Variants in ANO3 observed in about 807,000 individuals in gnomAD.
ANO3 encodes the protein anoctamin-3.
In ANO3, 99 loss-of-function variants were observed where a neutral mutation model predicts 144.8. The observed-to-expected ratio is 0.68, with a 90% CI of 0.58 to 0.81. ANO3 has a LOEUF of 0.81. Among genes scored for constraint, ANO3 ranks in the 30% least tolerant of loss-of-function variants. ANO3 has a pLI of 0.00. For synonymous variants in ANO3, 414 were observed against 392.6 expected (o/e 1.05, Z -0.64); for missense variants, 905 against 1,202.2 (o/e 0.75, Z 3.66).
At chr11:26,442,179 C>G in intron 2 of ANO3, 67 bp downstream of exon 2, 1 of 1,489,862 alleles carries the variant, frequency 6.7e-7, no homozygotes, top group South Asian at 1.2e-5. Context: ...CACTCCTTTC[C>G]TTCCTTTTTC....
intron 1 of ANO3, among the ~76,000 whole-genome samples, chr11:26,337,548 A>G (rs113472730): frequency 1.3e-4 from 20 of 152,352 alleles, no homozygotes; most frequent in African/African-American, 4.6e-4. Context: ...GGAGTTGATG[A>G]TTATATAAAC....
chr11:26,340,351 G>A (rs749542988), intron 1 of ANO3, among the ~76,000 whole-genome samples: 2 of 152,124 alleles, frequency 1.3e-5, no homozygotes, highest in Admixed American at 6.5e-5. Flanking sequence ...ACAAGAGCTG[G>A]CTTTAAACAC....
At chr11:26,234,731 C>T (rs1852477462) in intron 1 of ANO3, among the ~76,000 whole-genome samples, 1 of 152,070 alleles carries the variant, frequency 6.6e-6, no homozygotes, top group Admixed American at 6.5e-5. Context: ...CATTATGCCC[C>T]TTTGTTCCTT....
intron 4 of ANO3, among the ~76,000 whole-genome samples, chr11:26,471,037 G>C (rs993911983): frequency 6.6e-6 from 1 of 151,942 alleles, no homozygotes; most frequent in Non-Finnish European, 1.5e-5. Flanking sequence ...TGCACCAGAA[G>C]CTGTGGTAAG....
At chr11:26,401,551 A>G (rs897977440) in intron 1 of ANO3, among the ~76,000 whole-genome samples, 1 of 151,980 alleles carries the variant, frequency 6.6e-6, no homozygotes, top group Non-Finnish European at 1.5e-5. Context: ...GATAATATAT[A>G]AACATATAGG....
At chr11:26,589,216 G>GATAA (rs1452402337) in intron 14 of ANO3, among the ~76,000 whole-genome samples, 1 of 152,178 alleles carries the variant, frequency 6.6e-6, no homozygotes. Context: ...TCCACATGAT[G>GATAA]ATAACATTTG....
At chr11:26,336,415 A>T (rs1363365690) in intron 1 of ANO3, among the ~76,000 whole-genome samples, 2 of 152,262 alleles carry the variant, frequency 1.3e-5, no homozygotes, top group African/African-American at 2.4e-5. Flanking sequence ...TGTTTTTAGT[A>T]ATTCCATAGA....
At chr11:26,247,208 TTTAA>T (rs1159972671) in intron 1 of ANO3, among the ~76,000 whole-genome samples, 1 of 152,178 alleles carries the variant, frequency 6.6e-6, no homozygotes, top group Non-Finnish European at 1.5e-5. Context: ...TGCTGTGTAG[TTTAA>T]TTTTTACGTG....
At chr11:26,284,806 T>G (rs996565960) in intron 1 of ANO3, among the ~76,000 whole-genome samples, 3 of 151,918 alleles carry the variant, frequency 2.0e-5, no homozygotes, top group Non-Finnish European at 4.4e-5. Flanking sequence ...CTCCGGAGGC[T>G]GAGGCAGAAG....
At chr11:26,594,855 G>A (rs1179881375) in intron 14 of ANO3, among the ~76,000 whole-genome samples, 1 of 152,156 alleles carries the variant, frequency 6.6e-6, no homozygotes, top group Non-Finnish European at 1.5e-5. Context: ...AGGAGATCTA[G>A]CTGTAAGATG....
intron 14 of ANO3, chr11:26,560,394 A>G (rs1850240407): frequency 6.6e-6 from 1 of 152,160 alleles, no homozygotes; most frequent in African/African-American, 2.4e-5. Context: ...ACCTTTGAAG[A>G]CTTTTAAAGA....
intron 3 of ANO3, among the ~76,000 whole-genome samples, chr11:26,444,124 G>A (rs572640534): frequency 2.6e-5 from 4 of 152,110 alleles, no homozygotes; most frequent in Non-Finnish European, 5.9e-5. Context: ...ACTATTTCAA[G>A]ATCTATAACA....
chr11:26,659,099 C>CAT (rs71047873), intron 26 of ANO3, among the ~76,000 whole-genome samples: 13,928 of 150,006 alleles, frequency 0.093, 679 homozygotes, highest in Admixed American at 0.14. Flanking sequence ...CACACACACA[C>CAT]ATATATATAT....
At chr11:26,452,110 A>T (rs1412733815) in intron 3 of ANO3, among the ~76,000 whole-genome samples, 1 of 152,210 alleles carries the variant, frequency 6.6e-6, no homozygotes, top group African/African-American at 2.4e-5. Flanking sequence ...GACCAAAAGT[A>T]GATAAAACCA....
chr11:26,240,830 A>T (rs536360700), intron 1 of ANO3, among the ~76,000 whole-genome samples: 17 of 152,286 alleles, frequency 1.1e-4, no homozygotes, highest in South Asian at 8.3e-4. Context: ...ATTCTGTATG[A>T]TATTCCTCAG....
intron 1 of ANO3, among the ~76,000 whole-genome samples, chr11:26,288,895 C>T (rs1232077897): frequency 1.3e-5 from 2 of 152,058 alleles, no homozygotes; most frequent in African/African-American, 2.4e-5. Flanking sequence ...GTACAATATC[C>T]AGATTTCAAA....
At chr11:26,568,846 G>A (rs536266938) in intron 14 of ANO3, among the ~76,000 whole-genome samples, 1 of 152,104 alleles carries the variant, frequency 6.6e-6, no homozygotes, top group East Asian at 1.9e-4. Flanking sequence ...ACTCTGCAAA[G>A]TTCACAGCAA....
At chr11:26,329,323 CACACAGAGAG>C (rs760342474), upstream of ANO3, among the ~76,000 whole-genome samples, 695 of 80,016 alleles carry the variant, frequency 8.7e-3, 2 homozygotes, top group African/African-American at 0.018. Context: ...CACACACACA[CACACAGAGAG>C]AGAGAGAGAG....
intron 24 of ANO3, among the ~76,000 whole-genome samples, chr11:26,650,502 T>C (rs1853497607): frequency 6.6e-6 from 1 of 152,184 alleles, no homozygotes; most frequent in African/African-American, 2.4e-5. Context: ...TTTTCATATA[T>C]TGACATTTTC....
Sources: allele counts gnomAD v4.1 joint callset (sites outside exome capture counted in the v4.1 genomes callset), GRCh38; gene constraint gnomAD v4.1.1; transcripts MANE v1.5; gene names NCBI Gene and HGNC (gene_info 2026-07-23, HGNC 2026-07-21).